The following SHISA9 variants were observed in gnomAD, a reference collection of about 807,000 sequenced individuals.
The protein encoded by SHISA9 is protein shisa-9.
In SHISA9, 13 loss-of-function variants were observed where a neutral mutation model predicts 38.0. The ratio of observed to expected loss-of-function variants is 0.34; its 90% CI spans 0.22 to 0.54. SHISA9 has a LOEUF of 0.54. Among genes scored for constraint, SHISA9 ranks in the 20% least tolerant of loss-of-function variants. The pLI, the probability that SHISA9 is intolerant of heterozygous loss-of-function variation, is 0.91. For missense variants in SHISA9, 538 were observed against 575.8 expected, an observed-to-expected ratio of 0.93 and a Z score of 0.67; for synonymous variants, 275 against 242.0, an observed-to-expected ratio of 1.14 and a Z score of -1.27.
At chr16:13,053,256 C>T (rs1020275189) in intron 2 of SHISA9, among the ~76,000 whole-genome samples, 4 of 151,230 alleles carry the variant, frequency 2.6e-5, no homozygotes, top group African/African-American at 7.4e-5. Context: ...AACCATCGCA[C>T]GCAGCCCCCT....
chr16:13,109,271 C>T lies in SHISA9; in HGVS notation c.692-94123C>T, dbSNP rs551838164. Among the ~76,000 whole-genome samples, 3 of 152,200 alleles carry T rather than the reference C, an allele frequency of 2.0e-5. No homozygotes were observed. The East Asian group carries it at 5.8e-4, about 29-fold the overall frequency. On this transcript the variant is annotated intron_variant, in intron 2 of 4. Coordinates refer to ENST00000558583, the MANE Select transcript of SHISA9 (RefSeq NM_001145204.3). Reference sequence around the variant, plus strand: ...GAACTCCTGGGCTCAAGCAATCCTCCCACCTTGGCTTCCTAAGTAGCTGGA... The same window carrying T: ...GAACTCCTGGGCTCAAGCAATCCTCTCACCTTGGCTTCCTAAGTAGCTGGA...
chr16:13,254,767 G>A, the SHISA9 span, among the ~76,000 whole-genome samples: 8 of 152,302 alleles, frequency 5.3e-5, no homozygotes, highest in East Asian at 1.4e-3. Context: ...GGACACCTTG[G>A]GGCAAAGTGA....
the SHISA9 span, among the ~76,000 whole-genome samples, chr16:13,303,865 G>A: frequency 3.3e-5 from 5 of 152,226 alleles, no homozygotes; most frequent in South Asian, 2.1e-4. Context: ...CTTAACACTT[G>A]TCCCTCAATA....
intron 2 of SHISA9, among the ~76,000 whole-genome samples, chr16:13,170,005 C>T (rs958623091): frequency 4.6e-5 from 7 of 152,058 alleles, no homozygotes; most frequent in African/African-American, 1.7e-4. Flanking sequence ...GAGTTTGAGA[C>T]CAGCATGGCC....
chr16:13,158,529 C>T (rs1192618566), intron 2 of SHISA9, among the ~76,000 whole-genome samples: 1 of 152,176 alleles, frequency 6.6e-6, no homozygotes, highest in Non-Finnish European at 1.5e-5. Context: ...CGCAGTGTTA[C>T]TTTTCTCAAG....
chr16:13,247,033 A>G, the SHISA9 span, among the ~76,000 whole-genome samples: 1 of 151,498 alleles, frequency 6.6e-6, no homozygotes, highest in Non-Finnish European at 1.5e-5. Flanking sequence ...ATTTGTTATT[A>G]AGTGACTCAC....
the SHISA9 span, among the ~76,000 whole-genome samples, chr16:13,366,680 A>AAAAATAAAAT: frequency 3.3e-5 from 5 of 151,740 alleles, no homozygotes; most frequent in African/African-American, 7.3e-5. Flanking sequence ...CTGTCTCTAC[A>AAAAATAAAAT]AAAATAAAAT....
the SHISA9 span, among the ~76,000 whole-genome samples, chr16:13,529,089 C>A: frequency 6.6e-6 from 1 of 152,158 alleles, no homozygotes; most frequent in Non-Finnish European, 1.5e-5. Context: ...AATAGGAGGT[C>A]AAACATGCCT....
chr16:13,480,204 A>C, the SHISA9 span, among the ~76,000 whole-genome samples: 7 of 152,150 alleles, frequency 4.6e-5, no homozygotes, highest in Admixed American at 3.9e-4. Context: ...TAACATGCAG[A>C]GAAAACAAGG....
chr16:13,220,986 G>C (rs981735520), intron 4 of SHISA9, among the ~76,000 whole-genome samples: 1 of 151,354 alleles, frequency 6.6e-6, no homozygotes, highest in African/African-American at 2.4e-5. Context: ...CCTAGCAAAG[G>C]CTCCCTCCTC....
At chr16:13,374,324 A>G in the SHISA9 span, among the ~76,000 whole-genome samples, 1 of 152,152 alleles carries the variant, frequency 6.6e-6, no homozygotes, top group East Asian at 1.9e-4. Context: ...CTGGCCCTCC[A>G]TCCATGACAG....
intron 2 of SHISA9, among the ~76,000 whole-genome samples, chr16:13,045,123 A>T (rs1409325678): frequency 6.6e-6 from 1 of 152,218 alleles, no homozygotes; most frequent in East Asian, 1.9e-4. Flanking sequence ...CATGCTTGTT[A>T]TTATGGATGG....
At chr16:13,471,831 T>A in the SHISA9 span, among the ~76,000 whole-genome samples, 1 of 152,070 alleles carries the variant, frequency 6.6e-6, no homozygotes, top group Non-Finnish European at 1.5e-5. Context: ...AAGATATTCC[T>A]TACACAGAAT....
the SHISA9 span, among the ~76,000 whole-genome samples, chr16:13,477,020 AG>A: frequency 6.6e-6 from 1 of 152,118 alleles, no homozygotes; most frequent in Non-Finnish European, 1.5e-5. Flanking sequence ...TTGGGATTAC[AG>A]GCGTGAGCCA....
At chr16:13,504,916 G>A in the SHISA9 span, among the ~76,000 whole-genome samples, 13 of 152,230 alleles carry the variant, frequency 8.5e-5, no homozygotes, top group South Asian at 2.7e-3. Flanking sequence ...CCTCACTTGG[G>A]ACCCCACTTC....
At chr16:13,537,386 C>A in the SHISA9 span, among the ~76,000 whole-genome samples, 1 of 151,364 alleles carries the variant, frequency 6.6e-6, no homozygotes, top group East Asian at 1.9e-4. Context: ...CGAGATCACA[C>A]CATTGCACTC....
the SHISA9 span, among the ~76,000 whole-genome samples, chr16:13,551,451 A>G: frequency 6.6e-6 from 1 of 152,226 alleles, no homozygotes; most frequent in Admixed American, 6.5e-5. Flanking sequence ...ATTCACATAC[A>G]TATATCTTAC....
chr16:12,922,598 C>T (rs539242981), intron 2 of SHISA9, among the ~76,000 whole-genome samples: 8 of 152,238 alleles, frequency 5.3e-5, no homozygotes, highest in South Asian at 2.1e-4. Context: ...TGGCTCATTG[C>T]GACCCCTGCC....
At chr16:12,936,860 A>G (rs1442974486) in intron 2 of SHISA9, among the ~76,000 whole-genome samples, 1 of 152,034 alleles carries the variant, frequency 6.6e-6, no homozygotes, top group Non-Finnish European at 1.5e-5. Flanking sequence ...TTGTTTACAG[A>G]TTTGTCTAAG....
Sources: allele counts gnomAD v4.1 joint callset (sites outside exome capture counted in the v4.1 genomes callset), GRCh38; gene constraint gnomAD v4.1.1; transcripts MANE v1.5; gene names NCBI Gene and HGNC (gene_info 2026-07-23, HGNC 2026-07-21).